FBXL7: variants seen among roughly 807,000 people sequenced by gnomAD.
FBXL7 encodes F-box and leucine rich repeat protein 7, also known as F-box/LRR-repeat protein 7.
FBXL7 carries 12 observed loss-of-function variants against 38.3 expected under a neutral mutation model. The observed-to-expected ratio is 0.31, with a 90% CI of 0.20 to 0.51. The LOEUF is 0.51. FBXL7 is among the 20% of genes least tolerant of loss of function. FBXL7 has a pLI of 0.98. For missense variants in FBXL7, 567 were observed against 676.4 expected, an observed-to-expected ratio of 0.84 and a Z score of 1.79; for synonymous variants, 297 against 300.9, an observed-to-expected ratio of 0.99 and a Z score of 0.13.
intron 2 of FBXL7, among the ~76,000 whole-genome samples, chr5:15,744,623 A>T (rs1273875275): frequency 6.6e-6 from 1 of 152,070 alleles, no homozygotes; most frequent in Non-Finnish European, 1.5e-5. Flanking sequence ...TCTGCCTGTT[A>T]CCCAGTTCCA....
At position 15,764,600 on chromosome 5, in the gene FBXL7, C is replaced by T. The variant is rs769602742; in HGVS notation, c.127+148528C>T. 1.5e-3 allele frequency among the ~76,000 whole-genome samples: 223 copies of T among 152,306 alleles called. 1 individual carries two copies. The highest frequency in any genetic ancestry group is 2.6e-3 in the Non-Finnish European group (180 of 68,028). On this transcript the variant is annotated intron_variant, in intron 2 of 3. Transcript: ENST00000504595. ...GGGGCTTAAGAACAGGAGCATCAGC[C>T]ATGAGGCCAGACCAGTTAGTTTCAA...
intron 2 of FBXL7, among the ~76,000 whole-genome samples, chr5:15,818,448 C>T (rs1049970069): frequency 6.8e-6 from 1 of 147,420 alleles, no homozygotes; most frequent in Non-Finnish European, 1.5e-5. Flanking sequence ...TTAAGGTAGC[C>T]AAATGAATCC....
intron 2 of FBXL7, among the ~76,000 whole-genome samples, chr5:15,729,276 T>G (rs1459189758): frequency 6.6e-6 from 1 of 152,178 alleles, no homozygotes; most frequent in Non-Finnish European, 1.5e-5. Context: ...TTTTGCAGTT[T>G]CTGAATTGAT....
At chr5:15,668,476 T>C (rs1295331524) in intron 2 of FBXL7, among the ~76,000 whole-genome samples, 1 of 152,064 alleles carries the variant, frequency 6.6e-6, no homozygotes, top group Non-Finnish European at 1.5e-5. Context: ...GCCATTTGAC[T>C]AAATTGTGTC....
At chr5:15,890,608 G>A (rs936457373) in intron 2 of FBXL7, among the ~76,000 whole-genome samples, 3 of 152,088 alleles carry the variant, frequency 2.0e-5, no homozygotes, top group African/African-American at 4.8e-5. Context: ...TAGGTTGCAC[G>A]CCCTTTATGA....
chr5:15,895,338 T>C (rs2126396605), intron 2 of FBXL7, among the ~76,000 whole-genome samples: 1 of 152,294 alleles, frequency 6.6e-6, no homozygotes, highest in East Asian at 1.9e-4. Context: ...ATAAAGCTAT[T>C]TAAACTTTTT....
chr5:15,937,075 C>T lies in FBXL7; in HGVS notation c.1365C>T (p.Asp455=), dbSNP rs1269650790. ...GLQIVAANCF[D]LQTLNVQDCE... ...AGATCGTGGCCGCCAACTGCTTTGA[C>T]CTCCAGACGCTGAATGTCCAGGACT... is the stretch of plus-strand genomic sequence containing the variant. The change falls in exon 4 of 4, where the codon GAC becomes GAT. Residue 455 remains aspartate, a synonymous_variant. Transcript: ENST00000504595. The T allele has an allele frequency of 6.2e-7, 1 of 1,614,018 alleles. No homozygotes were observed. The highest frequency in any genetic ancestry group is 1.7e-5 in the Admixed American group (1 of 60,028).
At chr5:15,661,976 A>T (rs926385733) in intron 2 of FBXL7, among the ~76,000 whole-genome samples, 2 of 152,212 alleles carry the variant, frequency 1.3e-5, no homozygotes, top group Admixed American at 1.3e-4. Context: ...CTATCAGAAT[A>T]GTGCTGCAAT....
At chr5:15,798,676 C>A (rs555258304) in intron 2 of FBXL7, among the ~76,000 whole-genome samples, 1 of 152,108 alleles carries the variant, frequency 6.6e-6, no homozygotes, top group South Asian at 2.1e-4. Flanking sequence ...AATATGTTAC[C>A]TATTCAAGAA....
chr5:15,825,441 T>C (rs562034488), intron 2 of FBXL7, among the ~76,000 whole-genome samples: 122 of 152,316 alleles, frequency 8.0e-4, no homozygotes, highest in African/African-American at 2.8e-3. Flanking sequence ...ATATACATTG[T>C]TGTAAAATAT....
At chr5:15,831,745 G>A (rs556855418) in intron 2 of FBXL7, among the ~76,000 whole-genome samples, 5 of 152,230 alleles carry the variant, frequency 3.3e-5, no homozygotes, top group African/African-American at 1.2e-4. Context: ...GTAAATTCTG[G>A]AGGGATAGTG....
At chr5:15,865,754 A>G (rs944636048) in intron 2 of FBXL7, among the ~76,000 whole-genome samples, 28 of 152,172 alleles carry the variant, frequency 1.8e-4, no homozygotes, top group African/African-American at 5.8e-4. Context: ...ACAATATACA[A>G]TAGAACCATG....
chr5:15,667,448 A>G (rs1210876259), intron 2 of FBXL7, among the ~76,000 whole-genome samples: 2 of 152,194 alleles, frequency 1.3e-5, no homozygotes, highest in Non-Finnish European at 2.9e-5. Context: ...ATTCCTGGAA[A>G]GGAATACTAT....
Position 15,632,008 on chromosome 5 carries a change from T to A in FBXL7, c.127+15936T>A, listed in dbSNP as rs1033636696. ...TCAAAGCGTAACAACAGAGTTACCC[T>A]AAAGCTAAAGGCCGACTACTTGCAT... On this transcript the variant is annotated intron_variant, in intron 2 of 3. Transcript: ENST00000504595. Among the ~76,000 whole-genome samples, 3 of 152,180 alleles carry A rather than the reference T, an allele frequency of 2.0e-5. No homozygotes were observed. The East Asian group carries it at 5.8e-4, about 29-fold the overall frequency.
At chr5:15,786,818 T>C (rs533336594) in intron 2 of FBXL7, among the ~76,000 whole-genome samples, 50 of 152,214 alleles carry the variant, frequency 3.3e-4, no homozygotes, top group Non-Finnish European at 2.1e-4. Flanking sequence ...TCCAAAGTCA[T>C]GTCCATAGTC....
At chr5:15,598,208 T>G (rs1739682055) in intron 1 of FBXL7, among the ~76,000 whole-genome samples, 1 of 152,214 alleles carries the variant, frequency 6.6e-6, no homozygotes, top group African/African-American at 2.4e-5. Context: ...CCAGAGTACA[T>G]TAAACTGTTT....
At chr5:15,628,090 C>A (rs1740876922) in intron 2 of FBXL7, among the ~76,000 whole-genome samples, 1 of 152,138 alleles carries the variant, frequency 6.6e-6, no homozygotes, top group African/African-American at 2.4e-5. Flanking sequence ...CGGGTGAAGT[C>A]TATGGGAATT....
chr5:15,778,596 C>T (rs1400021846), intron 2 of FBXL7, among the ~76,000 whole-genome samples: 2 of 152,104 alleles, frequency 1.3e-5, no homozygotes, highest in Non-Finnish European at 2.9e-5. Context: ...CATTGATTCA[C>T]CACTCTTTCT....
intron 2 of FBXL7, among the ~76,000 whole-genome samples, chr5:15,693,385 A>T (rs762495555): frequency 9.9e-5 from 15 of 152,122 alleles, no homozygotes; most frequent in Non-Finnish European, 1.0e-4. Flanking sequence ...TTCTTTTGGA[A>T]ATATTGGACA....
Sources: allele counts gnomAD v4.1 joint callset (sites outside exome capture counted in the v4.1 genomes callset), GRCh38; gene constraint gnomAD v4.1.1; transcripts MANE v1.5; gene names NCBI Gene and HGNC (gene_info 2026-07-23, HGNC 2026-07-21).